Variants in AFF1 observed in about 807,000 individuals in gnomAD.
AFF1 encodes the protein ALF transcription elongation factor 1.
AFF1 carries 48 observed loss-of-function variants against 121.7 expected under a neutral mutation model. The ratio of observed to expected loss-of-function variants is 0.39; its 90% CI spans 0.31 to 0.50. The LOEUF (loss-of-function observed/expected upper bound fraction) is 0.50, where lower values mean the gene tolerates loss of function less well. AFF1 is among the 20% of genes least tolerant of loss of function. The probability of loss-of-function intolerance (pLI) is 0.76; values close to 1 mark genes in which losing one functional copy is unlikely to be tolerated. For missense variants in AFF1, 1,523 were observed against 1,511.7 expected (o/e 1.01, Z -0.12); for synonymous variants, 613 against 563.0 (o/e 1.09, Z -1.26).
chr4:86,949,902 G>C (rs1321359095), intron 2 of AFF1: 1 of 1,614,010 alleles, frequency 6.2e-7, no homozygotes, highest in African/African-American at 1.3e-5. Flanking sequence ...TTCTTGGTGG[G>C]GTATGGGATC....
chr4:87,092,649 C>T (rs1055903899), intron 7 of AFF1, among the ~76,000 whole-genome samples: 6 of 152,004 alleles, frequency 3.9e-5, no homozygotes, highest in African/African-American at 1.5e-4. Flanking sequence ...GCACAAAAAA[C>T]CTAAAATATT....
At chr4:87,075,269 A>G (rs1252599943) in intron 4 of AFF1, among the ~76,000 whole-genome samples, 1 of 152,154 alleles carries the variant, frequency 6.6e-6, no homozygotes, top group Non-Finnish European at 1.5e-5. Flanking sequence ...GATGAAAGAT[A>G]AGGTAATATC....
At position 87,138,548 on chromosome 4, in the gene AFF1, G is replaced by GC. The variant is rs1491017842; in HGVS notation, c.*2847_*2848insC. On this transcript the variant is annotated 3_prime_UTR_variant, in exon 21 of 21. Transcript: ENST00000395146. Reference sequence around the variant, plus strand: ...CTTTAGTAGGAAATGGAAGAACACTGTTTTATTTTTTAAAGTGTTTAATGT... The same window carrying GC: ...CTTTAGTAGGAAATGGAAGAACACTGCTTTTATTTTTTAAAGTGTTTAATGT... 1.2e-5 allele frequency: 1 copy of GC among 85,666 alleles called. No homozygotes were observed. The highest frequency in any genetic ancestry group is 2.3e-5 in the Non-Finnish European group (1 of 42,908). The allele number at this position is 85,666 out of a possible 1,614,324, so 5.3% of individuals were successfully genotyped here.
At chr4:87,112,248 C>G (rs939826466) in intron 11 of AFF1, among the ~76,000 whole-genome samples, 1 of 152,206 alleles carries the variant, frequency 6.6e-6, no homozygotes, top group Non-Finnish European at 1.5e-5. Context: ...CTTAACCATT[C>G]TGCGTTCTTA....
chr4:87,114,545 C>A lies in AFF1; in HGVS notation c.1712C>A (p.Pro571His), dbSNP rs768330902. The change falls in exon 12 of 21, where the codon CCT becomes CAT. Residue 571 changes from proline (P) to histidine (H), a missense_variant. Around this residue, in one of 5 missense-constraint regions of AFF1, gnomAD observed 905 missense variants for 842.5 expected, o/e 1.07. Coordinates refer to ENST00000395146, the MANE Select transcript of AFF1 (RefSeq NM_001166693.3). The stretch of plus-strand genomic sequence containing the variant: ...CATTCTGAATCCAAAGATCCTCCCC[C>A]TAAAAGCTCCAGCAAAGCCCCCCGG... ...QEHSESKDPPPKSSSKAPRAP... is the reference protein window; with the variant it reads ...QEHSESKDPPHKSSSKAPRAP... 1.1e-5 allele frequency: 17 copies of A among 1,611,450 alleles called. No individual in the cohort carries two copies. The highest frequency in any genetic ancestry group is 1.4e-5 in the Non-Finnish European group (16 of 1,179,146).
chr4:87,038,633 T>G (rs528623063), intron 2 of AFF1, among the ~76,000 whole-genome samples: 1 of 152,334 alleles, frequency 6.6e-6, no homozygotes, highest in South Asian at 2.1e-4. Flanking sequence ...CAGATCTCTA[T>G]CTCACCATCC....
At chr4:86,959,506 T>TC (rs1560502463) in intron 2 of AFF1, among the ~76,000 whole-genome samples, 72 of 136,036 alleles carry the variant, frequency 5.3e-4, no homozygotes, top group South Asian at 1.9e-3. Context: ...TTTTTTTTTT[T>TC]TCCCAATGTG....
intron 1 of AFF1, chr4:86,936,585 T>C (rs1049773727): frequency 2.6e-5 from 4 of 152,302 alleles, no homozygotes; most frequent in African/African-American, 9.6e-5. Context: ...TAGTTTTTTT[T>C]CTTTGGGGCC....
At chr4:87,048,826 A>T (rs989440178) in intron 4 of AFF1, among the ~76,000 whole-genome samples, 3 of 152,126 alleles carry the variant, frequency 2.0e-5, no homozygotes, top group African/African-American at 7.2e-5. Flanking sequence ...AGTAAAACCA[A>T]TGGCAGAAAT....
intron 1 of AFF1, among the ~76,000 whole-genome samples, chr4:86,939,414 G>T (rs1397158739): frequency 6.6e-6 from 1 of 152,126 alleles, no homozygotes; most frequent in African/African-American, 2.4e-5. Context: ...TTCTCCTTGG[G>T]TAAGTAATTC....
intron 2 of AFF1, among the ~76,000 whole-genome samples, chr4:86,999,438 C>G (rs987947044): frequency 2.0e-5 from 3 of 152,196 alleles, no homozygotes; most frequent in African/African-American, 7.2e-5. Context: ...TGATAGATAT[C>G]TCTCAGCATC....
rs1479290514 is a variant in AFF1, at chr4:87,093,418, A to ATT, written c.1229-1497_1229-1496insTT. ...ATAGCTTTCAGTGAAGAGAAGACAAACATTTCTTAAAGTATGCCCAGCAAG... is the reference window on the plus strand; with the variant it reads ...ATAGCTTTCAGTGAAGAGAAGACAAATTCATTTCTTAAAGTATGCCCAGCAAG... On this transcript the variant is annotated intron_variant, in intron 7 of 20. Transcript: ENST00000395146. Among the ~76,000 whole-genome samples the ATT allele has an allele frequency of 8.5e-5, 13 of 152,322 alleles. No individual in the cohort carries two copies. In the East Asian group the frequency reaches 2.1e-3, roughly 25 times the overall value.
intron 2 of AFF1, among the ~76,000 whole-genome samples, chr4:86,980,947 A>AAC (rs1723691095): frequency 1.7e-4 from 17 of 102,394 alleles, no homozygotes; most frequent in Admixed American, 2.3e-4. Flanking sequence ...GGCTTGAGGC[A>AAC]CCCCCCCCCT....
Position 87,038,548 on chromosome 4 carries a change from C to T in AFF1, c.39-7618C>T, listed in dbSNP as rs117767058. ...ATGGACTTAGAAAGTTGAGATGTGG[C>T]TTTTAAAATGAAAAAGTCACTTACA... On this transcript the variant is annotated intron_variant, in intron 2 of 20. Transcript: ENST00000395146. Among the ~76,000 whole-genome samples the T allele has an allele frequency of 1.8e-3, 281 of 152,246 alleles. 9 individuals carry two copies. The East Asian group carries it at 0.04, about 22-fold the overall frequency.
chr4:87,033,811 GTTATTA>G (rs995166397), intron 2 of AFF1, among the ~76,000 whole-genome samples: 73 of 151,888 alleles, frequency 4.8e-4, no homozygotes, highest in African/African-American at 1.7e-3. Context: ...TTTTTTAAAT[GTTATTA>G]TTAAATGGTT....
chr4:87,060,866 A>C lies in AFF1; in HGVS notation c.1059+13272A>C, dbSNP rs536368043. On this transcript the variant is annotated intron_variant, in intron 4 of 20. Coordinates refer to ENST00000395146, the MANE Select transcript of AFF1 (RefSeq NM_001166693.3). Reference sequence around the variant, plus strand: ...AAAAAAAAAAAAAAAAAAAAAAAAAAACACAAAAAAACAACAACAAAAAAA... The same window carrying C: ...AAAAAAAAAAAAAAAAAAAAAAAAACACACAAAAAAACAACAACAAAAAAA... Among the ~76,000 whole-genome samples the C allele has an allele frequency of 9.1e-3, 440 of 48,522 alleles. 3 individuals carry two copies. Among genetic ancestry groups the C allele is most frequent in the African/African-American group, 0.054 (401 of 7,370 alleles). 31.8% of individuals were successfully genotyped at this position (48,522 alleles called of 152,430 possible).
At chr4:87,019,136 G>C (rs903447884) in intron 2 of AFF1, among the ~76,000 whole-genome samples, 1 of 152,218 alleles carries the variant, frequency 6.6e-6, no homozygotes, top group South Asian at 2.1e-4. Flanking sequence ...AAACACAGAA[G>C]TGGTGTTCTT....
intron 17 of AFF1, among the ~76,000 whole-genome samples, chr4:87,131,571 T>C (rs1223580189): frequency 2.6e-5 from 4 of 152,214 alleles, no homozygotes. Flanking sequence ...ACAACTTCAC[T>C]TGGTTTCAAG....
intron 1 of AFF1, among the ~76,000 whole-genome samples, chr4:86,945,794 T>C (rs1720819757): frequency 6.6e-6 from 1 of 151,992 alleles, no homozygotes; most frequent in Non-Finnish European, 1.5e-5. Context: ...GCTTGGCCCA[T>C]GGAGGATTAT....
Sources: gnomAD v4.1 joint callset for allele counts (sites outside exome capture counted in the v4.1 genomes callset) on GRCh38, gnomAD v4.1.1 for gene constraint, gnomAD v4.1.1 regional missense constraint, MANE v1.5 for transcripts, NCBI Gene and HGNC (gene_info 2026-07-23, HGNC 2026-07-21) for gene names.